MB21D2: variants seen among roughly 807,000 people sequenced by gnomAD.
MB21D2 encodes the protein Mab-21 domain containing 2, also known as nucleotidyltransferase MB21D2.
MB21D2 carries 9 observed loss-of-function variants against 33.3 expected under a neutral mutation model. The observed-to-expected ratio is 0.27, with a 90% CI of 0.16 to 0.47. MB21D2 has a LOEUF of 0.47. MB21D2 is among the 20% of genes least tolerant of loss of function. The pLI, the probability that MB21D2 is intolerant of heterozygous loss-of-function variation, is 0.99. For missense variants in MB21D2, 540 were observed against 624.6 expected (o/e 0.86, Z 1.44); for synonymous variants, 241 against 236.3 (o/e 1.02, Z -0.18).
rs541992366 is a variant in MB21D2, at chr3:192,817,480, T to C, written c.212-17830A>G. ...AAGGGAAAGAAACAGATATACTGAT[T>C]TTTACAGTTAGTTTTAGCTTAATAT... On this transcript the variant is annotated intron_variant, in intron 1 of 1. Transcript: ENST00000392452. Among the ~76,000 whole-genome samples the C allele has an allele frequency of 3.3e-4, 50 of 152,218 alleles. No homozygotes were observed. The South Asian group carries it at 9.8e-3, about 30-fold the overall frequency.
In MB21D2 at chr3:192,914,820, A is replaced by G. The variant is rs190000933; in HGVS notation, c.211+2810T>C. Reference sequence around the variant, plus strand: ...AACCCCACAGCCTGTGCAGAACCCTACTTTGATAAGACAGTGGAGTGTCTT... The same window carrying G: ...AACCCCACAGCCTGTGCAGAACCCTGCTTTGATAAGACAGTGGAGTGTCTT... On this transcript the variant is annotated intron_variant, in intron 1 of 1. Coordinates refer to ENST00000392452, the MANE Select transcript of MB21D2 (RefSeq NM_178496.4). Among the ~76,000 whole-genome samples the G allele has an allele frequency of 1.0e-3, 158 of 152,136 alleles. 1 individual carries two copies. Among genetic ancestry groups the G allele is most frequent in the African/African-American group, 3.6e-3 (149 of 41,490 alleles).
chr3:192,912,534 G>T (rs1026244404), intron 1 of MB21D2, among the ~76,000 whole-genome samples: 4 of 152,024 alleles, frequency 2.6e-5, no homozygotes, highest in Non-Finnish European at 5.9e-5. Flanking sequence ...TTGGCCAGGT[G>T]TGGTAGCGGG....
intron 1 of MB21D2, among the ~76,000 whole-genome samples, chr3:192,864,380 A>G (rs1483018919): frequency 6.6e-6 from 1 of 152,244 alleles, no homozygotes; most frequent in East Asian, 1.9e-4. Context: ...TGTTATCATC[A>G]TTACTGTTAT....
At chr3:192,914,057 T>A (rs981646762) in intron 1 of MB21D2, among the ~76,000 whole-genome samples, 8 of 152,158 alleles carry the variant, frequency 5.3e-5, no homozygotes, top group African/African-American at 1.7e-4. Flanking sequence ...AAGAAGTGAT[T>A]TTTTAAAACA....
At chr3:192,868,284 T>A (rs1713212637) in intron 1 of MB21D2, among the ~76,000 whole-genome samples, 1 of 152,164 alleles carries the variant, frequency 6.6e-6, no homozygotes, top group Admixed American at 6.5e-5. Flanking sequence ...TGGACTCTCA[T>A]TGTCTGACTC....
chr3:192,825,858 G>A (rs1198696226), intron 1 of MB21D2, among the ~76,000 whole-genome samples: 1 of 152,238 alleles, frequency 6.6e-6, no homozygotes, highest in Non-Finnish European at 1.5e-5. Flanking sequence ...ACATGGAAGT[G>A]TTTGGACAAT....
chr3:192,820,649 C>T (rs1466819483), intron 1 of MB21D2, among the ~76,000 whole-genome samples: 2 of 152,278 alleles, frequency 1.3e-5, no homozygotes, highest in African/African-American at 4.8e-5. Context: ...CGTCCCGCCC[C>T]GGGCTCTCTC....
Position 192,799,543 on chromosome 3 carries a change from C to T in MB21D2, c.319G>A (p.Val107Ile), listed in dbSNP as rs1047148675. 3.1e-6 allele frequency: 5 copies of T among 1,614,040 alleles called. No homozygotes were observed. The African/African-American group carries it at 4.0e-5, about 13-fold the overall frequency. The change falls in exon 2 of 2, where the codon GTC (valine) becomes ATC (isoleucine). Residue 107 changes from valine (V) to isoleucine (I), a missense_variant. Physicochemically the swap from Val to Ile is conservative, Grantham distance 29 (BLOSUM62 3). Coordinates refer to ENST00000392452, the MANE Select transcript of MB21D2 (RefSeq NM_178496.4). The surrounding 1 kb of genome is among the most constrained non-coding windows in gnomAD (Gnocchi z 4.1). Reference protein sequence around the residue: ...VVDLDLDELNVYARGTDYDMD... With the variant: ...VVDLDLDELNIYARGTDYDMD... ...TCATAGTCAGTACCCCGGGCATAGA[C>T]ATTAAGCTCATCTAAGTCCAGGTCC...
chr3:192,914,152 G>A (rs1032243886), intron 1 of MB21D2, among the ~76,000 whole-genome samples: 4 of 152,164 alleles, frequency 2.6e-5, no homozygotes, highest in Admixed American at 6.5e-5. Flanking sequence ...AGGCTGACCT[G>A]AGTTTCAGTA....
At chr3:192,816,702 G>A (rs1275968571) in intron 1 of MB21D2, among the ~76,000 whole-genome samples, 2 of 152,150 alleles carry the variant, frequency 1.3e-5, no homozygotes, top group African/African-American at 4.8e-5. Flanking sequence ...GCTTTGAGGT[G>A]AACAAGGAAG....
chr3:192,838,439 T>A (rs1216232218), intron 1 of MB21D2, among the ~76,000 whole-genome samples: 1 of 151,070 alleles, frequency 6.6e-6, no homozygotes, highest in African/African-American at 2.4e-5. Flanking sequence ...TTTTTTTTTT[T>A]TTTTTTTGAG....
chr3:192,844,875 G>A (rs1175009877), intron 1 of MB21D2, among the ~76,000 whole-genome samples: 1 of 152,186 alleles, frequency 6.6e-6, no homozygotes, highest in African/African-American at 2.4e-5. Context: ...ATGTGTAGGA[G>A]AAAGTCTGTT....
chr3:192,873,505 C>A (rs1713363212), intron 1 of MB21D2, among the ~76,000 whole-genome samples: 1 of 152,126 alleles, frequency 6.6e-6, no homozygotes, highest in Admixed American at 6.5e-5. Flanking sequence ...AAAAGCTCTG[C>A]CTAAGGAACA....
At chr3:192,883,157 C>T (rs1463444524) in intron 1 of MB21D2, among the ~76,000 whole-genome samples, 3 of 152,068 alleles carry the variant, frequency 2.0e-5, no homozygotes, top group Non-Finnish European at 4.4e-5. Context: ...TGTAAGCCAC[C>T]GTGCCCAGCC....
At chr3:192,916,098 T>TTATATATATATATATATATATATA (rs55749042) in intron 1 of MB21D2, among the ~76,000 whole-genome samples, 59 of 139,130 alleles carry the variant, frequency 4.2e-4, no homozygotes, top group African/African-American at 1.7e-3. Context: ...CTACCAGGTT[T>TTATATATATATATATATATATATA]TATATATATA....
chr3:192,837,617 T>G (rs548515746), intron 1 of MB21D2, among the ~76,000 whole-genome samples: 1 of 152,248 alleles, frequency 6.6e-6, no homozygotes, highest in African/African-American at 2.4e-5. Flanking sequence ...CGCTCACTGG[T>G]TTCCAAATGA....
At chr3:192,913,095 T>C (rs1714389121) in intron 1 of MB21D2, among the ~76,000 whole-genome samples, 4 of 152,192 alleles carry the variant, frequency 2.6e-5, no homozygotes, top group Non-Finnish European at 4.4e-5. Context: ...GCTGCAGAAA[T>C]AATTCCAATT....
At chr3:192,855,234 G>T (rs1444721024) in intron 1 of MB21D2, among the ~76,000 whole-genome samples, 1 of 152,050 alleles carries the variant, frequency 6.6e-6, no homozygotes, top group Admixed American at 6.6e-5. Context: ...GAGCAGCTGG[G>T]ATTACAGGCA....
intron 1 of MB21D2, among the ~76,000 whole-genome samples, chr3:192,827,640 C>T (rs1370366875): frequency 6.6e-6 from 1 of 152,064 alleles, no homozygotes; most frequent in Non-Finnish European, 1.5e-5. Context: ...GAAACTAAAA[C>T]CAGGTCTCGC....
Sources: allele counts gnomAD v4.1 joint callset (sites outside exome capture counted in the v4.1 genomes callset), GRCh38; gene constraint gnomAD v4.1.1; non-coding constraint Gnocchi (gnomAD v3.1); transcripts MANE v1.5; gene names NCBI Gene and HGNC (gene_info 2026-07-23, HGNC 2026-07-21).